The following EPC1 variants were observed in gnomAD, a reference collection of about 807,000 sequenced individuals.
The protein encoded by EPC1 is enhancer of polycomb 1.
Under a neutral mutation model 98.4 loss-of-function variants are expected in EPC1, and 12 were observed. The ratio of observed to expected loss-of-function variants is 0.12; its 90% CI spans 0.08 to 0.20. The LOEUF is 0.20. EPC1 is among the 10% of genes least tolerant of loss of function. The probability of loss-of-function intolerance (pLI) is 1.00; values close to 1 mark genes in which losing one functional copy is unlikely to be tolerated. For missense variants in EPC1, 729 were observed against 990.5 expected (o/e 0.74, Z 3.54); for synonymous variants, 357 against 363.9 (o/e 0.98, Z 0.21).
intron 1 of EPC1, among the ~76,000 whole-genome samples, chr10:32,355,446 T>A (rs1839242863): frequency 6.6e-6 from 1 of 152,198 alleles, no homozygotes; most frequent in Non-Finnish European, 1.5e-5. Flanking sequence ...AAATATTTGG[T>A]GGTATTTATC....
At chr10:32,322,146 A>G (rs1388049680) in intron 1 of EPC1, among the ~76,000 whole-genome samples, 2 of 150,714 alleles carry the variant, frequency 1.3e-5, no homozygotes, top group East Asian at 1.9e-4. Flanking sequence ...ATGCTTCCCT[A>G]TGCCATTCTT....
chr10:32,287,380 C>G (rs1836746055), intron 6 of EPC1, 106 bp from the exon 7 acceptor site: 2 of 1,102,296 alleles, frequency 1.8e-6, no homozygotes, highest in African/African-American at 3.1e-5. Flanking sequence ...TGAGGGCATT[C>G]ATATTCATAA....
chr10:32,332,006 C>T (rs1837668401), intron 1 of EPC1, among the ~76,000 whole-genome samples: 1 of 152,174 alleles, frequency 6.6e-6, no homozygotes, highest in African/African-American at 2.4e-5. Context: ...TATCTGATTG[C>T]CATTTTAGAA....
chr10:32,345,536 C>G, intron 1 of EPC1: 1 of 985,502 alleles, frequency 1.0e-6, no homozygotes, highest in Non-Finnish European at 1.2e-6. Context: ...ACTGTCAATA[C>G]ACTGCACCCT....
chr10:32,343,951 A>C (rs538544609), intron 1 of EPC1, among the ~76,000 whole-genome samples: 1 of 152,340 alleles, frequency 6.6e-6, no homozygotes, highest in African/African-American at 2.4e-5. Flanking sequence ...GTGTATAAAA[A>C]AACTGCCCTC....
chr10:32,278,720 A>C (rs1592537645), intron 10 of EPC1, among the ~76,000 whole-genome samples: 1 of 152,188 alleles, frequency 6.6e-6, no homozygotes, highest in East Asian at 1.9e-4. Context: ...TTTTAATATA[A>C]AACAAAAGGT....
At chr10:32,299,346 A>C (rs3121814) in intron 2 of EPC1, among the ~76,000 whole-genome samples, 149,856 of 152,164 alleles carry the variant, frequency 0.98, 73,823 homozygotes, top group East Asian at 1. Flanking sequence ...CCACCATGCC[A>C]GGCTAATTTT....
chr10:32,372,474 C>T (rs1053870110), intron 1 of EPC1, among the ~76,000 whole-genome samples: 1 of 152,194 alleles, frequency 6.6e-6, no homozygotes, highest in Non-Finnish European at 1.5e-5. Context: ...TTCAATAAGG[C>T]CTCACTGAAT....
At chr10:32,296,403 T>C (rs1218716650) in intron 2 of EPC1, among the ~76,000 whole-genome samples, 1 of 152,182 alleles carries the variant, frequency 6.6e-6, no homozygotes, top group Non-Finnish European at 1.5e-5. Context: ...CGCATCAAAA[T>C]ACACTTGCCA....
chr10:32,332,800 C>T (rs967987516), intron 1 of EPC1, among the ~76,000 whole-genome samples: 2 of 152,202 alleles, frequency 1.3e-5, no homozygotes, highest in African/African-American at 4.8e-5. Context: ...ATAAGTAATA[C>T]ATGTTGATAC....
chr10:32,290,941 A>G (rs1035387605), intron 6 of EPC1, among the ~76,000 whole-genome samples: 1 of 151,510 alleles, frequency 6.6e-6, no homozygotes, highest in Non-Finnish European at 1.5e-5. Context: ...TACCTGGCTA[A>G]TTTTTTTGTA....
At position 32,324,881 on chromosome 10, in the gene EPC1, C is replaced by CACTT. The variant is rs563491872; in HGVS notation, c.154-18954_154-18951dup. Among the ~76,000 whole-genome samples the CACTT allele has an allele frequency of 5.2e-4, 79 of 152,108 alleles. 1 individual carries two copies. The South Asian group carries it at 0.016, about 30-fold the overall frequency. ...GGTGGCTGGAGCCTGTAGTCCCAGCCACTTGCGAGGCTGAGGCAGGAAAAT... is the reference window on the plus strand; with the variant it reads ...GGTGGCTGGAGCCTGTAGTCCCAGCCACTTACTTGCGAGGCTGAGGCAGGAAAAT... On this transcript the variant is annotated intron_variant, in intron 1 of 13. Transcript: ENST00000319778.
chr10:32,305,938 A>G lies in EPC1; in HGVS notation c.154-7T>C. On this transcript the variant is annotated splice_region_variant and splice_polypyrimidine_tract_variant and intron_variant, in intron 1 of 13. Transcript: ENST00000319778. Reference sequence around the variant, plus strand: ...CCCGCTGAAGATGATGTTCCTAAAAAGAAGAAAAAACAGGTAAGTTCATGT... The same window carrying G: ...CCCGCTGAAGATGATGTTCCTAAAAGGAAGAAAAAACAGGTAAGTTCATGT... The G allele has an allele frequency of 6.3e-7, 1 of 1,594,976 alleles. No homozygotes were observed. Among genetic ancestry groups the G allele is most frequent in the Non-Finnish European group, 8.5e-7 (1 of 1,173,860 alleles).
intron 10 of EPC1, chr10:32,283,878 A>G (rs1043276525): frequency 2.0e-5 from 3 of 152,182 alleles, no homozygotes; most frequent in Admixed American, 1.3e-4. Flanking sequence ...TTAACCACCA[A>G]GTAAATTAGT....
intron 1 of EPC1, among the ~76,000 whole-genome samples, chr10:32,342,728 A>AC (rs912398740): frequency 5.3e-5 from 8 of 152,128 alleles, no homozygotes; most frequent in African/African-American, 1.7e-4. Context: ...TTAAGTTGCC[A>AC]CCCCCTCATA....
At chr10:32,276,894 G>A (rs1836131260) in intron 10 of EPC1, among the ~76,000 whole-genome samples, 2 of 152,180 alleles carry the variant, frequency 1.3e-5, no homozygotes, top group African/African-American at 4.8e-5. Flanking sequence ...CACAAAGGTG[G>A]ACAAGATGGT....
At chr10:32,331,277 G>A (rs963860061) in intron 1 of EPC1, among the ~76,000 whole-genome samples, 4 of 151,604 alleles carry the variant, frequency 2.6e-5, no homozygotes, top group African/African-American at 7.3e-5. Context: ...GCTTGAACCC[G>A]GGAGGCAGAG....
At chr10:32,327,387 G>C (rs1837361388) in intron 1 of EPC1, among the ~76,000 whole-genome samples, 2 of 152,140 alleles carry the variant, frequency 1.3e-5, no homozygotes, top group African/African-American at 2.4e-5. Context: ...TACTCTATTG[G>C]ACAGTAGAGT....
At position 32,329,422 on chromosome 10, in the gene EPC1, T is replaced by C. The variant is rs117884215; in HGVS notation, c.153+17341A>G. 2.7e-3 allele frequency among the ~76,000 whole-genome samples: 416 copies of C among 152,292 alleles called. 5 individuals are homozygous for C. The highest frequency in any genetic ancestry group is 0.014 in the Middle Eastern group (4 of 294). On this transcript the variant is annotated intron_variant, in intron 1 of 13. Transcript: ENST00000319778. ...GATTGTTATGTTTATAGCCCAACCA[T>C]ACCTATCCTAATAAATGGAGGGAAA...
Sources: allele counts gnomAD v4.1 joint callset (sites outside exome capture counted in the v4.1 genomes callset), GRCh38; gene constraint gnomAD v4.1.1; transcripts MANE v1.5; gene names NCBI Gene and HGNC (gene_info 2026-07-23, HGNC 2026-07-21).